RALYL: variants seen among roughly 807,000 people sequenced by gnomAD.
The protein encoded by RALYL is RNA-binding Raly-like protein.
In RALYL, 29 loss-of-function variants were observed where a neutral mutation model predicts 35.1. That is an observed-to-expected ratio of 0.83 (90% CI 0.61 to 1.13). The LOEUF is 1.13. RALYL is among the 50% of genes most tolerant of loss of function. The pLI is 0.00. For synonymous variants in RALYL, 120 were observed against 127.6 expected, an observed-to-expected ratio of 0.94 and a Z score of 0.40; for missense variants, 359 against 360.4, an observed-to-expected ratio of 1.00 and a Z score of 0.03.
chr8:84,911,764 C>T (rs182469288), intron 8 of RALYL, among the ~76,000 whole-genome samples: 1 of 152,110 alleles, frequency 6.6e-6, no homozygotes, highest in Admixed American at 6.6e-5. Flanking sequence ...CCATGTACCC[C>T]CTCCTTGTGT....
intron 1 of RALYL, among the ~76,000 whole-genome samples, chr8:84,330,331 A>G (rs186863286): frequency 7.2e-5 from 11 of 152,170 alleles, no homozygotes; most frequent in Admixed American, 2.6e-4. Flanking sequence ...TATATACTAC[A>G]TCTTAAATGT....
At chr8:84,564,481 A>C (rs1333432655) in intron 2 of RALYL, among the ~76,000 whole-genome samples, 1 of 151,724 alleles carries the variant, frequency 6.6e-6, no homozygotes, top group African/African-American at 2.4e-5. Flanking sequence ...TTAAGGCTCA[A>C]TCCATATGAT....
chr8:84,833,651 A>AAC (rs1377223011), intron 4 of RALYL, among the ~76,000 whole-genome samples: 1 of 151,710 alleles, frequency 6.6e-6, no homozygotes, highest in Non-Finnish European at 1.5e-5. Flanking sequence ...CAAAAAAAAA[A>AAC]AAAAAAAGAA....
chr8:84,267,030 G>T (rs192533549), intron 1 of RALYL, among the ~76,000 whole-genome samples: 2 of 151,928 alleles, frequency 1.3e-5, no homozygotes, highest in Admixed American at 1.3e-4. Flanking sequence ...GAGTATTCAG[G>T]GACTTATACT....
chr8:84,303,381 A>G (rs565928142), intron 1 of RALYL, among the ~76,000 whole-genome samples: 1 of 152,322 alleles, frequency 6.6e-6, no homozygotes, highest in South Asian at 2.1e-4. Flanking sequence ...ACATTTCCAG[A>G]TAATATTTAA....
At chr8:84,864,782 T>C in intron 6 of RALYL, 1 of 611,070 alleles carries the variant, frequency 1.6e-6, no homozygotes, top group Non-Finnish European at 3.1e-6. Context: ...CTGGGCCTGC[T>C]CCAAGCCAGC....
chr8:84,673,081 G>C (rs1023300248), intron 2 of RALYL, among the ~76,000 whole-genome samples: 1 of 152,200 alleles, frequency 6.6e-6, no homozygotes, highest in African/African-American at 2.4e-5. Context: ...ACTGGTGTTA[G>C]ATGGTATCTC....
intron 1 of RALYL, among the ~76,000 whole-genome samples, chr8:84,484,415 A>G (rs2054382913): frequency 6.6e-6 from 1 of 152,058 alleles, no homozygotes; most frequent in Non-Finnish European, 1.5e-5. Flanking sequence ...CAGAGAGGCA[A>G]TGTATAATTC....
At chr8:84,664,651 T>A (rs1384792987) in intron 2 of RALYL, among the ~76,000 whole-genome samples, 1 of 152,094 alleles carries the variant, frequency 6.6e-6, no homozygotes, top group African/African-American at 2.4e-5. Context: ...TGTATCTGGA[T>A]GCTAGTGATT....
chr8:84,744,319 G>A (rs768606640), intron 2 of RALYL, among the ~76,000 whole-genome samples: 1 of 151,892 alleles, frequency 6.6e-6, no homozygotes, highest in Non-Finnish European at 1.5e-5. Context: ...ATAGGTACAG[G>A]GAAGCAGTCT....
At chr8:84,550,223 C>G (rs776395256) in intron 2 of RALYL, among the ~76,000 whole-genome samples, 1 of 152,028 alleles carries the variant, frequency 6.6e-6, no homozygotes, top group African/African-American at 2.4e-5. Context: ...CTATCCTTCT[C>G]CCTCTCTCTC....
upstream of RALYL, chr8:84,183,209 C>T (rs549925643): frequency 4.2e-4 from 64 of 153,732 alleles, no homozygotes; most frequent in African/African-American, 1.2e-3. Flanking sequence ...GGCGCCCTGC[C>T]TGTCTTGCGT....
chr8:84,253,866 GC>G, intron 1 of RALYL, among the ~76,000 whole-genome samples: 1 of 152,100 alleles, frequency 6.6e-6, no homozygotes, highest in Non-Finnish European at 1.5e-5. Flanking sequence ...CTTGCCTACT[GC>G]CAATCTCTTA....
intron 1 of RALYL, among the ~76,000 whole-genome samples, chr8:84,452,146 C>T (rs1458324541): frequency 6.6e-6 from 1 of 151,758 alleles, no homozygotes; most frequent in Non-Finnish European, 1.5e-5. Flanking sequence ...GTTTCTTACC[C>T]GTAAGGCAGT....
chr8:84,463,454 G>A (rs1445232019), intron 1 of RALYL, among the ~76,000 whole-genome samples: 3 of 152,014 alleles, frequency 2.0e-5, no homozygotes, highest in Non-Finnish European at 2.9e-5. Context: ...GGTGCCTTGA[G>A]GGAATGTAGT....
intron 4 of RALYL, among the ~76,000 whole-genome samples, chr8:84,818,998 T>C (rs1030387895): frequency 6.6e-6 from 1 of 152,134 alleles, no homozygotes; most frequent in African/African-American, 2.4e-5. Flanking sequence ...AATATGCCCA[T>C]CTAACATCAC....
chr8:84,422,414 T>C (rs2045751195), intron 1 of RALYL, among the ~76,000 whole-genome samples: 1 of 136,602 alleles, frequency 7.3e-6, no homozygotes, highest in South Asian at 2.5e-4. Flanking sequence ...TCATTTTTTA[T>C]TATGTCTATT....
chr8:84,504,960 G>A (rs2057038021), intron 1 of RALYL, among the ~76,000 whole-genome samples: 1 of 152,118 alleles, frequency 6.6e-6, no homozygotes, highest in South Asian at 2.1e-4. Context: ...CAACATGTAA[G>A]TCACCAATGG....
chr8:84,858,395 G>A (rs1037317465), intron 5 of RALYL, among the ~76,000 whole-genome samples: 2 of 152,102 alleles, frequency 1.3e-5, no homozygotes, highest in African/African-American at 4.8e-5. Flanking sequence ...TCTATTTGAT[G>A]AGTAAGTATT....
Sources: gnomAD v4.1 joint callset for allele counts (sites outside exome capture counted in the v4.1 genomes callset) on GRCh38, gnomAD v4.1.1 for gene constraint, MANE v1.5 for transcripts, NCBI Gene and HGNC (gene_info 2026-07-23, HGNC 2026-07-21) for gene names.